MCC: variants seen among roughly 807,000 people sequenced by gnomAD.
MCC encodes the protein colorectal mutant cancer protein.
Under a neutral mutation model 116.2 loss-of-function variants are expected in MCC, and 90 were observed. That is an observed-to-expected ratio of 0.77 (90% CI 0.65 to 0.92). The LOEUF is 0.92. Among genes scored for constraint, MCC ranks in the 40% least tolerant of loss-of-function variants. The pLI, the probability that MCC is intolerant of heterozygous loss-of-function variation, is 0.00. For synonymous variants in MCC, 578 were observed against 510.5 expected, an observed-to-expected ratio of 1.13 and a Z score of -1.78; for missense variants, 1,516 against 1,312.2, an observed-to-expected ratio of 1.16 and a Z score of -2.40.
intron 3 of MCC, among the ~76,000 whole-genome samples, chr5:113,213,425 G>A (rs1307143823): frequency 6.6e-6 from 1 of 152,144 alleles, no homozygotes; most frequent in African/African-American, 2.4e-5. Context: ...AAGGCATGGT[G>A]GTCTCACAGT....
chr5:113,306,852 G>A (rs1378564006), intron 3 of MCC, among the ~76,000 whole-genome samples: 1 of 151,074 alleles, frequency 6.6e-6, no homozygotes, highest in Non-Finnish European at 1.5e-5. Context: ...TTTAGTTTTA[G>A]CCCTTATGTT....
chr5:113,174,666 C>A (rs997167820), intron 3 of MCC, among the ~76,000 whole-genome samples: 1 of 150,252 alleles, frequency 6.7e-6, no homozygotes, highest in South Asian at 2.1e-4. Context: ...GTCCAATGGT[C>A]CAATCACAGC....
At chr5:113,386,755 A>T (rs1393831675) in intron 1 of MCC, among the ~76,000 whole-genome samples, 1 of 28,134 alleles carries the variant, frequency 3.6e-5, no homozygotes, top group African/African-American at 6.6e-4. Flanking sequence ...TATGTATATC[A>T]TATATATATA....
chr5:113,235,192 G>C (rs971782120), intron 3 of MCC, among the ~76,000 whole-genome samples: 1 of 152,160 alleles, frequency 6.6e-6, no homozygotes, highest in Non-Finnish European at 1.5e-5. Flanking sequence ...AATCAATTGA[G>C]AGAACACCAC....
chr5:113,237,239 A>C (rs1307967224), intron 3 of MCC, among the ~76,000 whole-genome samples: 1 of 152,198 alleles, frequency 6.6e-6, no homozygotes, highest in Non-Finnish European at 1.5e-5. Context: ...TATACTACTG[A>C]GATCACTGAG....
chr5:113,325,251 C>T (rs1294354682), intron 3 of MCC, among the ~76,000 whole-genome samples: 1 of 152,104 alleles, frequency 6.6e-6, no homozygotes, highest in African/African-American at 2.4e-5. Flanking sequence ...ACCACAAACT[C>T]TAACCAATCC....
intron 5 of MCC, among the ~76,000 whole-genome samples, chr5:113,133,187 T>C (rs11950615): frequency 0.42 from 64,257 of 151,878 alleles, 14,658 homozygotes; most frequent in African/African-American, 0.59. Context: ...CTTTGAATTA[T>C]AAAATATTAT....
rs918537542 is a variant in MCC at position 113,028,916 on chromosome 5, G to A, written c.2879+18C>T. ...ACAGGTGGAGGGCGGTGGGGGCTGGGTATAGGGAGATTTTTACCTGTTGGC... is the reference window on the plus strand; with the variant it reads ...ACAGGTGGAGGGCGGTGGGGGCTGGATATAGGGAGATTTTTACCTGTTGGC... On this transcript the variant is annotated intron_variant, in intron 18 of 18. Transcript: ENST00000408903. The A allele has an allele frequency of 1.9e-6, 3 of 1,611,502 alleles. No homozygotes were observed. The highest frequency in any genetic ancestry group is 2.7e-5 in the African/African-American group (2 of 74,830).
At chr5:113,072,275 A>G (rs191610328) in intron 11 of MCC, among the ~76,000 whole-genome samples, 5 of 152,348 alleles carry the variant, frequency 3.3e-5, no homozygotes, top group Admixed American at 3.3e-4. Context: ...GACACTTGCC[A>G]ACATGGGAGA....
At chr5:113,300,478 G>A (rs920104011) in intron 3 of MCC, among the ~76,000 whole-genome samples, 1 of 152,158 alleles carries the variant, frequency 6.6e-6, no homozygotes. Context: ...TCTCAACCAC[G>A]CCCAGAGTGT....
intron 5 of MCC, among the ~76,000 whole-genome samples, chr5:113,141,571 G>A (rs1374346838): frequency 6.6e-6 from 1 of 152,192 alleles, no homozygotes; most frequent in Non-Finnish European, 1.5e-5. Context: ...AGAGGACAAG[G>A]AGAGCCTTTG....
chr5:113,431,733 C>T (rs986151850), intron 1 of MCC, among the ~76,000 whole-genome samples: 7 of 135,564 alleles, frequency 5.2e-5, no homozygotes, highest in South Asian at 4.9e-4. Context: ...CGGTGGCTCA[C>T]GCCTGTAATC....
At chr5:113,471,290 T>TC (rs1554086418) in intron 1 of MCC, among the ~76,000 whole-genome samples, 2 of 152,220 alleles carry the variant, frequency 1.3e-5, no homozygotes, top group Non-Finnish European at 2.9e-5. Flanking sequence ...TCTGTTTTTT[T>TC]CCCATCTTTG....
At chr5:113,207,869 G>C (rs879224829) in intron 3 of MCC, among the ~76,000 whole-genome samples, 1 of 152,140 alleles carries the variant, frequency 6.6e-6, no homozygotes, top group Non-Finnish European at 1.5e-5. Flanking sequence ...TGGAGGCCAC[G>C]TTAAAGTGGT....
In MCC at chr5:113,345,977, A is replaced by G. The variant is rs146475738; in HGVS notation, c.416-5247T>C. On this transcript the variant is annotated intron_variant, in intron 2 of 18. Transcript: ENST00000408903. Reference sequence around the variant, plus strand: ...AACTGTTTTGAGGAAACTCAAAGAAATTCAAGGTAACACAGAGAAGGAATT... The same window carrying G: ...AACTGTTTTGAGGAAACTCAAAGAAGTTCAAGGTAACACAGAGAAGGAATT... Among the ~76,000 whole-genome samples the G allele has an allele frequency of 3.3e-3, 506 of 152,350 alleles. 2 individuals carry two copies. Among genetic ancestry groups the G allele is most frequent in the African/African-American group, 0.011 (476 of 41,590 alleles).
chr5:113,279,593 T>C (rs535576596), intron 3 of MCC, among the ~76,000 whole-genome samples: 15 of 152,340 alleles, frequency 9.8e-5, no homozygotes, highest in African/African-American at 3.4e-4. Flanking sequence ...TCTTTTTGCA[T>C]GTAGAACACA....
At chr5:113,029,303 A>G (rs1454038641) in intron 17 of MCC, among the ~76,000 whole-genome samples, 1 of 151,632 alleles carries the variant, frequency 6.6e-6, no homozygotes, top group African/African-American at 2.4e-5. Context: ...AAAGAAAACA[A>G]GACAGGAATT....
At chr5:113,046,113 G>A (rs1363074321) in intron 16 of MCC, among the ~76,000 whole-genome samples, 1 of 151,560 alleles carries the variant, frequency 6.6e-6, no homozygotes, top group Non-Finnish European at 1.5e-5. Context: ...TTCATTACCT[G>A]AAAAACACAA....
intron 2 of MCC, among the ~76,000 whole-genome samples, chr5:113,366,310 GA>G (rs1768685845): frequency 6.6e-6 from 1 of 151,852 alleles, no homozygotes; most frequent in South Asian, 2.1e-4. Context: ...TTCAATAAAT[GA>G]AATCTTAGTA....
Sources: gnomAD v4.1 joint callset for allele counts (sites outside exome capture counted in the v4.1 genomes callset) on GRCh38, gnomAD v4.1.1 for gene constraint, MANE v1.5 for transcripts, NCBI Gene and HGNC (gene_info 2026-07-23, HGNC 2026-07-21) for gene names.